The following DPYSL2 variants were observed in gnomAD, a reference collection of about 807,000 sequenced individuals.
DPYSL2 encodes dihydropyrimidinase like 2, also known as dihydropyrimidinase-related protein 2.
A neutral mutation model predicts 69.9 loss-of-function variants in DPYSL2; 13 were observed. That is an observed-to-expected ratio of 0.19 (90% CI 0.12 to 0.30). The LOEUF (loss-of-function observed/expected upper bound fraction) is 0.30. DPYSL2 is among the 10% of genes least tolerant of loss of function. The probability of loss-of-function intolerance (pLI) is 1.00; values close to 1 mark genes in which losing one functional copy is unlikely to be tolerated. For missense variants in DPYSL2, 587 were observed against 918.9 expected, an observed-to-expected ratio of 0.64 and a Z score of 4.67; for synonymous variants, 326 against 359.1, an observed-to-expected ratio of 0.91 and a Z score of 1.04.
At position 26,643,411 on chromosome 8, in the gene DPYSL2, A is replaced by G; in HGVS notation, c.1127-28A>G. 1 of 1,562,454 alleles carries G rather than the reference A, an allele frequency of 6.4e-7. No homozygotes were observed. Among genetic ancestry groups the G allele is most frequent in the Non-Finnish European group, 8.6e-7 (1 of 1,156,214 alleles). ...TTCCCTTCCCCCTGCATTGTGTTGG[A>G]CTGAACCTTGTGTGTTCTGTTTGTC... On this transcript the variant is annotated intron_variant, in intron 8 of 13. Coordinates refer to ENST00000521913, the MANE Select transcript of DPYSL2 (RefSeq NM_001197293.3). The surrounding 1 kb of genome is among the most constrained non-coding windows in gnomAD (Gnocchi z 6.5).
At chr8:26,590,724 C>T (rs189885240) in intron 3 of DPYSL2, among the ~76,000 whole-genome samples, 237 of 152,346 alleles carry the variant, frequency 1.6e-3, no homozygotes, top group Non-Finnish European at 2.8e-3. Context: ...TAGTTTGGGC[C>T]GATCTAATGC....
At position 26,650,737 on chromosome 8, in the gene DPYSL2, GGGGT is replaced by G. The variant is rs1803265420; in HGVS notation, c.1597-1517_1597-1514del. Among the ~76,000 whole-genome samples, 1 of 152,242 alleles carries G rather than the reference GGGGT, an allele frequency of 6.6e-6. No homozygotes were observed. The highest frequency in any genetic ancestry group is 1.5e-5 in the Non-Finnish European group (1 of 68,042). On this transcript the variant is annotated intron_variant, in intron 11 of 13. Coordinates refer to ENST00000521913, the MANE Select transcript of DPYSL2 (RefSeq NM_001197293.3). The surrounding 1 kb of genome is among the most constrained non-coding windows in gnomAD (Gnocchi z 5.3). Reference sequence around the variant, plus strand: ...GGGGAGACCATCTGCTGTGCAGACAGGGGTGGCAGAAAATCTCGCAGGCCTCGAC... The same window carrying G: ...GGGGAGACCATCTGCTGTGCAGACAGGGCAGAAAATCTCGCAGGCCTCGAC...
chr8:26,514,244 G>A lies in DPYSL2; in HGVS notation c.-82G>A. On this transcript the variant is annotated 5_prime_UTR_variant, in exon 1 of 14. Transcript: ENST00000521913. This position sits in a 1 kb window ranked among gnomAD's most constrained non-coding sequence, Gnocchi z 8.4. ...ACGGCAGCCGCGGCAGCAGCTAGGG[G>A]GCTTGTGCACACAGCGAGGGAGACT... 2.4e-6 allele frequency: 3 copies of A among 1,231,438 alleles called. No homozygotes were observed. Among genetic ancestry groups the A allele is most frequent in the Non-Finnish European group, 3.2e-6 (3 of 937,328 alleles). 76.3% of individuals were successfully genotyped at this position (1,231,438 alleles called of 1,614,324 possible). A position where few individuals can be genotyped will look rare whatever the true frequency, so the allele number is the denominator to read the frequency against.
Position 26,593,258 on chromosome 8 carries a change from C to T in DPYSL2, c.628+9275C>T, listed in dbSNP as rs968608312. On this transcript the variant is annotated intron_variant, in intron 3 of 13. Transcript: ENST00000521913. This position sits in a 1 kb window ranked among gnomAD's most constrained non-coding sequence, Gnocchi z 5.7. The stretch of plus-strand genomic sequence containing the variant: ...CAGTGGTTTAAAAACCTTGACTGCA[C>T]ATTAGAATCCCCTGGGGAGTTGTAA... 2.0e-5 allele frequency among the ~76,000 whole-genome samples: 3 copies of T among 152,006 alleles called. No homozygotes were observed. Among genetic ancestry groups the T allele is most frequent in the African/African-American group, 2.4e-5 (1 of 41,370 alleles).
chr8:26,602,137 A>ATT (rs1563404933), intron 3 of DPYSL2, among the ~76,000 whole-genome samples: 3 of 135,854 alleles, frequency 2.2e-5, no homozygotes, highest in African/African-American at 5.4e-5. Context: ...AAACAAAGGA[A>ATT]ATTTTTTTTT....
chr8:26,653,421 C>T lies in DPYSL2; in HGVS notation c.1942+24C>T. On this transcript the variant is annotated intron_variant, in intron 13 of 13. Transcript: ENST00000521913. The surrounding 1 kb of genome is among the most constrained non-coding windows in gnomAD (Gnocchi z 5.7). ...TGGTAGGGTTGGGGCTTGGGGAGGG[C>T]ACAGTTCTGCAGGGCCAGCTCGCTG... 1 of 1,603,222 alleles carries T rather than the reference C, an allele frequency of 6.2e-7. No homozygotes were observed. The highest frequency in any genetic ancestry group is 8.5e-7 in the Non-Finnish European group (1 of 1,173,932).
intron 1 of DPYSL2, chr8:26,577,946 T>C (rs940911246): frequency 9.0e-6 from 11 of 1,228,014 alleles, no homozygotes; most frequent in African/African-American, 1.6e-5. Flanking sequence ...GAGGCTTTTA[T>C]TGCTGTAGTT....
chr8:26,594,204 G>A (rs1027658105), intron 3 of DPYSL2, among the ~76,000 whole-genome samples: 5 of 152,104 alleles, frequency 3.3e-5, no homozygotes, highest in Admixed American at 6.5e-5. Flanking sequence ...TATGTCTTAC[G>A]ACTATGGAAA....
chr8:26,547,521 A>T (rs1800792193), intron 1 of DPYSL2: 1 of 152,784 alleles, frequency 6.5e-6, no homozygotes, highest in Non-Finnish European at 1.5e-5. Flanking sequence ...TCATAACCAG[A>T]CCCAGATATT....
chr8:26,551,809 A>C (rs1244519905), intron 1 of DPYSL2, among the ~76,000 whole-genome samples: 2 of 152,168 alleles, frequency 1.3e-5, no homozygotes, highest in East Asian at 3.9e-4. Flanking sequence ...TTAAGAATAT[A>C]CTTTTATTGT....
intron 11 of DPYSL2, among the ~76,000 whole-genome samples, chr8:26,649,799 A>G (rs1803246161): frequency 2.0e-5 from 3 of 152,158 alleles, no homozygotes; most frequent in South Asian, 2.1e-4. Flanking sequence ...TAGGTTAAAA[A>G]TGTCTATGCA....
intron 1 of DPYSL2, chr8:26,547,777 C>G (rs764933981): frequency 1.2e-5 from 4 of 321,840 alleles, no homozygotes; most frequent in Non-Finnish European, 2.6e-5. Context: ...CAGGCAAAAT[C>G]TTTTCCAGGA....
intron 1 of DPYSL2, among the ~76,000 whole-genome samples, chr8:26,523,955 T>G (rs1420355684): frequency 1.3e-5 from 2 of 152,274 alleles, no homozygotes; most frequent in Non-Finnish European, 1.5e-5. Flanking sequence ...CATCTTTTAG[T>G]TCTTGTGAAT....
At chr8:26,518,385 A>G (rs770132741) in intron 1 of DPYSL2, among the ~76,000 whole-genome samples, 2 of 152,244 alleles carry the variant, frequency 1.3e-5, no homozygotes, top group South Asian at 2.1e-4. Flanking sequence ...ATGAAAATCC[A>G]TAATTATTAT....
intron 4 of DPYSL2, among the ~76,000 whole-genome samples, chr8:26,625,765 T>C (rs1585555920): frequency 6.6e-6 from 1 of 152,244 alleles, no homozygotes; most frequent in East Asian, 1.9e-4. Flanking sequence ...TTCATTTTCT[T>C]GTTACAGTCG....
chr8:26,634,482 A>T (rs1324907988), intron 7 of DPYSL2, among the ~76,000 whole-genome samples: 1 of 128,378 alleles, frequency 7.8e-6, no homozygotes, highest in East Asian at 2.4e-4. Flanking sequence ...GAGTTTCACC[A>T]TGTTGGCCAG....
intron 1 of DPYSL2, among the ~76,000 whole-genome samples, chr8:26,572,809 A>G (rs1019148829): frequency 3.3e-5 from 5 of 152,124 alleles, no homozygotes; most frequent in Admixed American, 3.3e-4. Context: ...AGGAATGAGT[A>G]AGACTTTTGA....
intron 1 of DPYSL2, among the ~76,000 whole-genome samples, chr8:26,515,229 C>T (rs903682420): frequency 1.3e-5 from 2 of 152,222 alleles, no homozygotes; most frequent in South Asian, 2.1e-4. Flanking sequence ...CCCGGACCCC[C>T]TCCGAGCACC....
intron 1 of DPYSL2, among the ~76,000 whole-genome samples, chr8:26,515,254 T>C (rs1808260452): frequency 6.6e-6 from 1 of 151,952 alleles, no homozygotes; most frequent in Non-Finnish European, 1.5e-5. Flanking sequence ...CGCCCTTGAC[T>C]CCTGCTCGCA....
Sources: gnomAD v4.1 joint callset for allele counts (sites outside exome capture counted in the v4.1 genomes callset) on GRCh38, gnomAD v4.1.1 for gene constraint, Gnocchi (gnomAD v3.1) non-coding constraint, MANE v1.5 for transcripts, NCBI Gene and HGNC (gene_info 2026-07-23, HGNC 2026-07-21) for gene names.